DCP1A: variants seen among roughly 807,000 people sequenced by gnomAD.
DCP1A encodes mRNA-decapping enzyme 1A.
DCP1A carries 20 observed loss-of-function variants against 58.0 expected under a neutral mutation model. The observed-to-expected ratio is 0.34, with a 90% CI of 0.24 to 0.50. The LOEUF (loss-of-function observed/expected upper bound fraction) is 0.50. Among genes scored for constraint, DCP1A ranks in the 20% least tolerant of loss-of-function variants. The pLI, the probability that DCP1A is intolerant of heterozygous loss-of-function variation, is 0.98. For missense variants in DCP1A, 613 were observed against 712.2 expected (o/e 0.86, Z 1.59); for synonymous variants, 285 against 275.1 (o/e 1.04, Z -0.36).
chr3:53,322,486 T>C (rs1405489404), intron 3 of DCP1A, among the ~76,000 whole-genome samples: 2 of 151,704 alleles, frequency 1.3e-5, no homozygotes, highest in African/African-American at 4.8e-5. Context: ...TATATATGTA[T>C]GTTCCCTTCT....
At chr3:53,305,298 G>A (rs879968084) in intron 5 of DCP1A, among the ~76,000 whole-genome samples, 1 of 151,752 alleles carries the variant, frequency 6.6e-6, no homozygotes, top group Admixed American at 6.6e-5. Context: ...TGGTAATTAT[G>A]AATACAACAT....
intron 3 of DCP1A, among the ~76,000 whole-genome samples, chr3:53,322,286 T>C (rs1340708995): frequency 2.6e-5 from 4 of 152,004 alleles, no homozygotes; most frequent in African/African-American, 4.8e-5. Context: ...AACCCGTCTC[T>C]ACTAAAAATA....
At chr3:53,313,414 G>C (rs1161512336) in intron 4 of DCP1A, among the ~76,000 whole-genome samples, 1 of 147,014 alleles carries the variant, frequency 6.8e-6, no homozygotes, top group Non-Finnish European at 1.5e-5. Context: ...GTGAGACCTT[G>C]ACTCCAAAAA....
At chr3:53,333,535 G>A (rs1049956486) in intron 3 of DCP1A, among the ~76,000 whole-genome samples, 2 of 152,020 alleles carry the variant, frequency 1.3e-5, no homozygotes, top group Admixed American at 1.3e-4. Context: ...CAGATGTGGT[G>A]GGTCACACCT....
intron 3 of DCP1A, among the ~76,000 whole-genome samples, chr3:53,333,371 C>A (rs1433368072): frequency 6.6e-6 from 1 of 152,068 alleles, no homozygotes; most frequent in Non-Finnish European, 1.5e-5. Context: ...GTCTTGAACT[C>A]CTGACCTCGT....
At chr3:53,294,086 T>C (rs1175834582) in intron 6 of DCP1A, among the ~76,000 whole-genome samples, 7 of 151,554 alleles carry the variant, frequency 4.6e-5, no homozygotes, top group Non-Finnish European at 7.4e-5. Context: ...AGAGGCTGGG[T>C]AGGAGGGTGA....
At chr3:53,315,021 G>A (rs898225533) in intron 4 of DCP1A, among the ~76,000 whole-genome samples, 5 of 152,078 alleles carry the variant, frequency 3.3e-5, no homozygotes, top group African/African-American at 4.8e-5. Flanking sequence ...AGAAGCTGTC[G>A]GGGGTGGTAA....
intron 3 of DCP1A, among the ~76,000 whole-genome samples, chr3:53,330,611 T>C (rs1042475605): frequency 5.9e-5 from 9 of 151,986 alleles, no homozygotes; most frequent in African/African-American, 2.2e-4. Context: ...CTTCAGCTTA[T>C]AATTTTCTAA....
chr3:53,315,840 G>A (rs1176108089), intron 4 of DCP1A, among the ~76,000 whole-genome samples: 2 of 129,156 alleles, frequency 1.5e-5, no homozygotes, highest in Non-Finnish European at 1.6e-5. Flanking sequence ...TGAAAGCTCC[G>A]CTTCCCGGGT....
intron 8 of DCP1A, among the ~76,000 whole-genome samples, chr3:53,288,610 A>C (rs1419206971): frequency 6.6e-6 from 1 of 152,180 alleles, no homozygotes; most frequent in East Asian, 1.9e-4. Flanking sequence ...TAAAATGTAA[A>C]GGCTTTTTGG....
chr3:53,331,881 T>C (rs572068907), intron 3 of DCP1A, among the ~76,000 whole-genome samples: 1 of 152,238 alleles, frequency 6.6e-6, no homozygotes, highest in South Asian at 2.1e-4. Context: ...AAACATCTTC[T>C]AAGAGAAGTA....
rs570625508 is a variant in DCP1A at position 53,299,685 on chromosome 3, A to C, written c.624+4492T>G. ...TTATGCAACTGAAATGGAATGTAATACTATTAAGGCTTGACAGCAGTACTT... is the reference window on the plus strand; with the variant it reads ...TTATGCAACTGAAATGGAATGTAATCCTATTAAGGCTTGACAGCAGTACTT... On this transcript the variant is annotated intron_variant, in intron 6 of 9. Transcript: ENST00000610213. Among the ~76,000 whole-genome samples, 47 of 152,376 alleles carry C rather than the reference A, an allele frequency of 3.1e-4. No homozygotes were observed. In the South Asian group the frequency reaches 9.5e-3, roughly 31 times the overall value.
intron 3 of DCP1A, 144 bp downstream of exon 3, chr3:53,341,999 TG>T: frequency 1.4e-6 from 1 of 719,832 alleles, no homozygotes; most frequent in Non-Finnish European, 2.1e-6. Flanking sequence ...TTAAAAGGTT[TG>T]ATCTTTCCAA....
At chr3:53,308,088 T>C (rs1553688279) in intron 5 of DCP1A, among the ~76,000 whole-genome samples, 1 of 152,178 alleles carries the variant, frequency 6.6e-6, no homozygotes, top group Admixed American at 6.5e-5. Context: ...CACTTGGACA[T>C]ATTTTTGCAA....
chr3:53,339,238 T>C (rs1291954740), intron 3 of DCP1A, among the ~76,000 whole-genome samples: 2 of 152,230 alleles, frequency 1.3e-5, no homozygotes, highest in Non-Finnish European at 2.9e-5. Flanking sequence ...TCATTTTCTG[T>C]TGTCTTATCA....
chr3:53,316,266 G>A (rs533893494), intron 4 of DCP1A, among the ~76,000 whole-genome samples: 1 of 152,158 alleles, frequency 6.6e-6, no homozygotes, highest in Admixed American at 6.5e-5. Flanking sequence ...TAACAAACAG[G>A]TTTATGCAGG....
chr3:53,310,101 GCAGA>G (rs1342115084), intron 5 of DCP1A, among the ~76,000 whole-genome samples: 2 of 152,200 alleles, frequency 1.3e-5, no homozygotes, highest in Non-Finnish European at 2.9e-5. Context: ...TCCACCTATT[GCAGA>G]CAGTTTTCAA....
intron 6 of DCP1A, among the ~76,000 whole-genome samples, chr3:53,302,143 GAAC>G (rs1707328965): frequency 1.3e-5 from 2 of 152,160 alleles, no homozygotes; most frequent in Admixed American, 6.5e-5. Flanking sequence ...AAGGAAATCT[GAAC>G]AACATGTGTG....
chr3:53,293,466 A>C (rs1707000712), intron 6 of DCP1A, among the ~76,000 whole-genome samples: 1 of 152,206 alleles, frequency 6.6e-6, no homozygotes, highest in South Asian at 2.1e-4. Flanking sequence ...CATAGTCAAT[A>C]ACCTTTATTT....
Sources: allele counts gnomAD v4.1 joint callset (sites outside exome capture counted in the v4.1 genomes callset), GRCh38; gene constraint gnomAD v4.1.1; transcripts MANE v1.5; gene names NCBI Gene and HGNC (gene_info 2026-07-23, HGNC 2026-07-21).